The following SUPT3H variants were observed in gnomAD, a reference collection of about 807,000 sequenced individuals.
SUPT3H encodes the protein transcription initiation protein SPT3 homolog.
Under a neutral mutation model 44.3 loss-of-function variants are expected in SUPT3H, and 44 were observed. The observed-to-expected ratio is 0.99, with a 90% CI of 0.78 to 1.28. The LOEUF (loss-of-function observed/expected upper bound fraction) is 1.28. SUPT3H is among the 50% of genes most tolerant of loss of function. The probability of loss-of-function intolerance (pLI) is 0.00; values close to 1 mark genes in which losing one functional copy is unlikely to be tolerated. For synonymous variants in SUPT3H, 124 were observed against 125.6 expected (o/e 0.99, Z 0.09); for missense variants, 380 against 387.1 (o/e 0.98, Z 0.15).
intron 2 of SUPT3H, among the ~76,000 whole-genome samples, chr6:45,164,893 A>G (rs1562587390): frequency 6.6e-6 from 1 of 152,282 alleles, no homozygotes; most frequent in East Asian, 1.9e-4. Context: ...CCAGAGAAGA[A>G]GCATGAAACT....
At chr6:44,811,606 C>T (rs1234638528) in intron 11 of SUPT3H, among the ~76,000 whole-genome samples, 2 of 152,214 alleles carry the variant, frequency 1.3e-5, no homozygotes, top group Non-Finnish European at 2.9e-5. Flanking sequence ...GAAGGTCTTG[C>T]AGGTACAGAG....
At chr6:44,990,168 T>G (rs1010775226) in intron 6 of SUPT3H, among the ~76,000 whole-genome samples, 1 of 149,174 alleles carries the variant, frequency 6.7e-6, no homozygotes, top group Non-Finnish European at 1.5e-5. Flanking sequence ...CGGTGAGAGA[T>G]AAGGATTCAA....
chr6:45,142,554 T>C (rs534833974), intron 2 of SUPT3H, among the ~76,000 whole-genome samples: 4 of 151,802 alleles, frequency 2.6e-5, no homozygotes, highest in Middle Eastern at 3.4e-3. Context: ...CTAACCAACA[T>C]GGAGAAACCC....
intron 6 of SUPT3H, among the ~76,000 whole-genome samples, chr6:45,000,829 A>G (rs1781918832): frequency 6.6e-6 from 1 of 152,022 alleles, no homozygotes; most frequent in South Asian, 2.1e-4. Flanking sequence ...GTAAGCTCTA[A>G]TCCTTGCTCT....
intron 3 of SUPT3H, among the ~76,000 whole-genome samples, chr6:45,037,572 G>A (rs769867846): frequency 1.2e-4 from 18 of 151,832 alleles, no homozygotes; most frequent in Admixed American, 8.5e-4. Context: ...GCTGAGGCAG[G>A]AGAACTGTTT....
intron 2 of SUPT3H, among the ~76,000 whole-genome samples, chr6:45,190,500 A>T (rs1384576842): frequency 3.3e-5 from 5 of 151,964 alleles, no homozygotes; most frequent in Non-Finnish European, 7.4e-5. Context: ...ACTTATGTGA[A>T]AAAAAAATGA....
intron 3 of SUPT3H, among the ~76,000 whole-genome samples, chr6:45,100,882 T>C (rs1167236490): frequency 6.6e-6 from 1 of 152,106 alleles, no homozygotes; most frequent in African/African-American, 2.4e-5. Context: ...GCCAAAGATA[T>C]ATCTGTGCTC....
chr6:45,266,019 T>C (rs955988260), intron 2 of SUPT3H, among the ~76,000 whole-genome samples: 3 of 152,054 alleles, frequency 2.0e-5, no homozygotes, highest in Non-Finnish European at 2.9e-5. Flanking sequence ...CTAACAAAGA[T>C]TCTCATATTA....
intron 9 of SUPT3H, among the ~76,000 whole-genome samples, chr6:44,949,336 A>C (rs112811600): frequency 0.024 from 3,704 of 152,196 alleles, 155 homozygotes; most frequent in African/African-American, 0.083. Context: ...ACATGTATAC[A>C]TATGTAACAA....
chr6:45,224,568 A>C (rs748033485), intron 2 of SUPT3H, among the ~76,000 whole-genome samples: 2 of 152,160 alleles, frequency 1.3e-5, no homozygotes, highest in South Asian at 4.1e-4. Flanking sequence ...TCAAGAGGTC[A>C]GGAGTTCGAG....
chr6:45,126,088 C>T (rs1802390821), intron 2 of SUPT3H, among the ~76,000 whole-genome samples: 1 of 152,056 alleles, frequency 6.6e-6, no homozygotes, highest in Admixed American at 6.6e-5. Context: ...CCTGGATGCC[C>T]AAATTTAAAT....
intron 2 of SUPT3H, among the ~76,000 whole-genome samples, chr6:45,327,494 A>C (rs1045085064): frequency 5.3e-5 from 8 of 152,034 alleles, no homozygotes; most frequent in Non-Finnish European, 1.2e-4. Flanking sequence ...TTCATCCAAT[A>C]AACTATATTA....
At chr6:45,374,657 CATAA>C (rs71658987) in intron 1 of SUPT3H, among the ~76,000 whole-genome samples, 8,542 of 152,188 alleles carry the variant, frequency 0.056, 297 homozygotes, top group Non-Finnish European at 0.087. Flanking sequence ...TCAACCTCAC[CATAA>C]AATAAAATCA....
chr6:44,957,533 G>A (rs1020031564), intron 7 of SUPT3H, among the ~76,000 whole-genome samples: 9 of 152,104 alleles, frequency 5.9e-5, no homozygotes, highest in African/African-American at 2.2e-4. Context: ...CTCCTTGACA[G>A]ATCTTTAGGA....
chr6:45,180,353 A>G (rs1241040218), intron 2 of SUPT3H, among the ~76,000 whole-genome samples: 1 of 150,492 alleles, frequency 6.6e-6, no homozygotes, highest in African/African-American at 2.5e-5. Flanking sequence ...TCTTCACAGA[A>G]TTGGAAAAAA....
At chr6:45,279,273 T>C (rs368480113) in intron 2 of SUPT3H, among the ~76,000 whole-genome samples, 14 of 152,294 alleles carry the variant, frequency 9.2e-5, no homozygotes, top group East Asian at 1.9e-4. Flanking sequence ...TTAGGGACAA[T>C]GTAAAATGTA....
At chr6:44,921,171 T>C (rs1341143160) in intron 10 of SUPT3H, among the ~76,000 whole-genome samples, 2 of 152,226 alleles carry the variant, frequency 1.3e-5, no homozygotes, top group South Asian at 2.1e-4. Flanking sequence ...ATTGAATAAA[T>C]GCAGGTATCA....
At chr6:45,083,566 ACACTGTT>A (rs1338682071) in intron 3 of SUPT3H, among the ~76,000 whole-genome samples, 1 of 152,040 alleles carries the variant, frequency 6.6e-6, no homozygotes, top group East Asian at 1.9e-4. Context: ...CAAACTACCA[ACACTGTT>A]TTTACCCCAA....
intron 10 of SUPT3H, among the ~76,000 whole-genome samples, chr6:44,872,671 A>AC (rs1459862532): frequency 2.0e-5 from 2 of 99,040 alleles, no homozygotes; most frequent in East Asian, 7.3e-4. Flanking sequence ...ATATAAATGG[A>AC]CTAAATTCTG....
Sources: allele counts gnomAD v4.1 joint callset (sites outside exome capture counted in the v4.1 genomes callset), GRCh38; gene constraint gnomAD v4.1.1; transcripts MANE v1.5; gene names NCBI Gene and HGNC (gene_info 2026-07-23, HGNC 2026-07-21).